NKAIN2: variants seen among roughly 807,000 people sequenced by gnomAD.
NKAIN2 encodes the protein sodium/potassium transporting ATPase interacting 2.
Under a neutral mutation model 32.6 loss-of-function variants are expected in NKAIN2, and 14 were observed. That is an observed-to-expected ratio of 0.43 (90% confidence interval 0.28 to 0.67). NKAIN2 has a LOEUF of 0.67. Ranked by LOEUF, NKAIN2 falls within the 30% of genes least tolerant of loss-of-function variation. The probability of loss-of-function intolerance (pLI) is 0.17; values close to 1 mark genes in which losing one functional copy is unlikely to be tolerated. For synonymous variants in NKAIN2, 80 were observed against 87.2 expected (o/e 0.92, Z 0.46); for missense variants, 198 against 258.3 (o/e 0.77, Z 1.60).
chr6:123,943,330 C>T (rs1383834236), intron 1 of NKAIN2, among the ~76,000 whole-genome samples: 1 of 151,940 alleles, frequency 6.6e-6, no homozygotes, highest in African/African-American at 2.4e-5. Flanking sequence ...TTGTTTTCAC[C>T]CTAAATAGTA....
At chr6:124,220,796 G>A (rs1791774501) in intron 1 of NKAIN2, among the ~76,000 whole-genome samples, 1 of 151,936 alleles carries the variant, frequency 6.6e-6, no homozygotes, top group African/African-American at 2.4e-5. Flanking sequence ...TATTTAAAGA[G>A]GCCTAGAATA....
chr6:123,861,233 G>A (rs1462016042), intron 1 of NKAIN2, among the ~76,000 whole-genome samples: 1 of 152,172 alleles, frequency 6.6e-6, no homozygotes, highest in Non-Finnish European at 1.5e-5. Context: ...AAGAGGCTAA[G>A]TAAATGTAAA....
intron 3 of NKAIN2, among the ~76,000 whole-genome samples, chr6:124,425,389 T>G (rs1266843692): frequency 6.6e-6 from 1 of 151,940 alleles, no homozygotes; most frequent in Non-Finnish European, 1.5e-5. Flanking sequence ...TAGGGAAAAT[T>G]TCCATGATAT....
chr6:124,778,598 A>C (rs927883344), intron 4 of NKAIN2, among the ~76,000 whole-genome samples: 1 of 152,012 alleles, frequency 6.6e-6, no homozygotes, highest in Non-Finnish European at 1.5e-5. Flanking sequence ...AATATAGAGA[A>C]AATTCGAGCT....
At chr6:123,886,424 C>G (rs1164314026) in intron 1 of NKAIN2, among the ~76,000 whole-genome samples, 1 of 151,926 alleles carries the variant, frequency 6.6e-6, no homozygotes, top group Admixed American at 6.6e-5. Flanking sequence ...AACAAGGACA[C>G]CAAATATATA....
intron 5 of NKAIN2, among the ~76,000 whole-genome samples, chr6:124,808,942 T>C (rs997537105): frequency 6.6e-6 from 1 of 152,142 alleles, no homozygotes; most frequent in Non-Finnish European, 1.5e-5. Flanking sequence ...GAAGGACCTC[T>C]TCAAGGAGAA....
At chr6:124,397,644 TA>T (rs66695429) in intron 3 of NKAIN2, among the ~76,000 whole-genome samples, 23,495 of 151,268 alleles carry the variant, frequency 0.16, 3,086 homozygotes, top group African/African-American at 0.37. Context: ...AAAAAGAATT[TA>T]AAAAAAAACT....
intron 3 of NKAIN2, among the ~76,000 whole-genome samples, chr6:124,491,492 A>G (rs982514019): frequency 6.6e-6 from 1 of 151,916 alleles, no homozygotes; most frequent in African/African-American, 2.4e-5. Context: ...AGGTACTACC[A>G]TGTACCTTAT....
At chr6:123,971,601 G>A (rs1778344129) in intron 1 of NKAIN2, among the ~76,000 whole-genome samples, 1 of 152,042 alleles carries the variant, frequency 6.6e-6, no homozygotes, top group Admixed American at 6.6e-5. Flanking sequence ...GATGAATAAT[G>A]GTAAAGTTAT....
chr6:124,495,166 A>G (rs574587608), intron 3 of NKAIN2, among the ~76,000 whole-genome samples: 1 of 152,268 alleles, frequency 6.6e-6, no homozygotes, highest in African/African-American at 2.4e-5. Context: ...CATTTTTGGA[A>G]GGAAATCAAG....
chr6:124,081,621 G>C (rs1783971080), intron 1 of NKAIN2, among the ~76,000 whole-genome samples: 1 of 152,014 alleles, frequency 6.6e-6, no homozygotes, highest in Non-Finnish European at 1.5e-5. Flanking sequence ...TTCAGTAAAG[G>C]ATATTAAAGT....
intron 2 of NKAIN2, among the ~76,000 whole-genome samples, chr6:124,337,606 G>C (rs1309228723): frequency 6.6e-6 from 1 of 152,154 alleles, no homozygotes; most frequent in African/African-American, 2.4e-5. Context: ...CTGCCTCCTT[G>C]ATTTGTCCAC....
At chr6:124,766,595 C>G (rs1460502908) in intron 4 of NKAIN2, among the ~76,000 whole-genome samples, 1 of 152,142 alleles carries the variant, frequency 6.6e-6, no homozygotes, top group African/African-American at 2.4e-5. Flanking sequence ...ATTTCATACT[C>G]AGAGAACACA....
At chr6:123,921,366 A>G (rs1300206709) in intron 1 of NKAIN2, among the ~76,000 whole-genome samples, 2 of 152,222 alleles carry the variant, frequency 1.3e-5, no homozygotes, top group East Asian at 3.8e-4. Flanking sequence ...TGATTCTGGA[A>G]TAATTTTCTG....
chr6:124,030,342 C>A (rs1207430778), intron 1 of NKAIN2, among the ~76,000 whole-genome samples: 1 of 152,116 alleles, frequency 6.6e-6, no homozygotes, highest in Non-Finnish European at 1.5e-5. Context: ...ATCCCTGGTG[C>A]CAAAAAGGTT....
chr6:123,861,112 A>G (rs1467138881), intron 1 of NKAIN2, among the ~76,000 whole-genome samples: 2 of 152,136 alleles, frequency 1.3e-5, no homozygotes, highest in African/African-American at 4.8e-5. Context: ...CTATTAAATG[A>G]TGTATTAGGG....
chr6:124,294,565 C>G (rs1795966582), intron 2 of NKAIN2, among the ~76,000 whole-genome samples: 1 of 152,072 alleles, frequency 6.6e-6, no homozygotes. Context: ...CTACAAAACC[C>G]CTTTTGTATA....
chr6:124,300,658 T>C (rs1222606739), intron 2 of NKAIN2, among the ~76,000 whole-genome samples: 2 of 152,154 alleles, frequency 1.3e-5, no homozygotes, highest in East Asian at 3.9e-4. Context: ...ACTGACAGTT[T>C]TATGGACCAT....
At chr6:124,127,701 G>C (rs796889986) in intron 1 of NKAIN2, among the ~76,000 whole-genome samples, 1 of 152,186 alleles carries the variant, frequency 6.6e-6, no homozygotes, top group Admixed American at 6.5e-5. Context: ...GGCCTGGTCA[G>C]CAAAGGAGGC....
Sources: gnomAD v4.1 joint callset for allele counts (sites outside exome capture counted in the v4.1 genomes callset) on GRCh38, gnomAD v4.1.1 for gene constraint, MANE v1.5 for transcripts, NCBI Gene and HGNC (gene_info 2026-07-23, HGNC 2026-07-21) for gene names.